NXN: variants seen among roughly 807,000 people sequenced by gnomAD.
The protein encoded by NXN is nucleoredoxin 1.
NXN carries 16 observed loss-of-function variants against 48.6 expected under a neutral mutation model. That is an observed-to-expected ratio of 0.33 (90% CI 0.22 to 0.50). NXN has a LOEUF of 0.50. Among genes scored for constraint, NXN ranks in the 20% least tolerant of loss-of-function variants. The pLI is 0.98. For synonymous variants in NXN, 281 were observed against 269.6 expected (o/e 1.04, Z -0.41); for missense variants, 492 against 605.5 (o/e 0.81, Z 1.97).
intron 1 of NXN, among the ~76,000 whole-genome samples, chr17:868,125 A>G (rs1597677374): frequency 6.6e-6 from 1 of 152,170 alleles, no homozygotes; most frequent in East Asian, 1.9e-4. Flanking sequence ...TTCCAGAGTC[A>G]TCTCCCTCCC....
intron 1 of NXN, among the ~76,000 whole-genome samples, chr17:871,399 CTTTTTTT>C (rs11345310): frequency 0.037 from 3,807 of 101,748 alleles, 139 homozygotes; most frequent in African/African-American, 0.13. Flanking sequence ...TACGCATTCA[CTTTTTTT>C]TTTTTTTTTT....
chr17:920,903 A>G lies in NXN; in HGVS notation c.360+58416T>C, dbSNP rs753825263. On this transcript the variant is annotated intron_variant, in intron 1 of 7. Coordinates refer to ENST00000336868, the MANE Select transcript of NXN (RefSeq NM_022463.5). This position sits in a 1 kb window ranked among gnomAD's most constrained non-coding sequence, Gnocchi z 4.6. The stretch of plus-strand genomic sequence containing the variant: ...ATGTCCGGCTAATTTTTGTAATTTT[A>G]GTAAAGACGGGGTTTTGCCATGTTA... 6.6e-6 allele frequency among the ~76,000 whole-genome samples: 1 copy of G among 151,864 alleles called. No individual in the cohort carries two copies. Among genetic ancestry groups the G allele is most frequent in the Non-Finnish European group, 1.5e-5 (1 of 67,978 alleles).
At chr17:966,053 T>G (rs1276014741) in intron 1 of NXN, among the ~76,000 whole-genome samples, 2 of 151,310 alleles carry the variant, frequency 1.3e-5, no homozygotes, top group Non-Finnish European at 3.0e-5. Context: ...GAGGCAGAGG[T>G]TGCAGTGAGC....
intron 6 of NXN, 67 bp from the exon 7 acceptor site, chr17:803,873 C>T (rs1911339209): frequency 1.3e-6 from 2 of 1,597,010 alleles, no homozygotes; most frequent in Non-Finnish European, 1.7e-6. Context: ...CAGAGCGGCA[C>T]CCGCCGAGGG....
chr17:854,848 A>T (rs2067968515), intron 1 of NXN, among the ~76,000 whole-genome samples: 1 of 151,492 alleles, frequency 6.6e-6, no homozygotes, highest in African/African-American at 2.4e-5. Context: ...AGTTCCAGCT[A>T]CTCGGGAGAC....
intron 1 of NXN, among the ~76,000 whole-genome samples, chr17:972,354 G>A (rs2069394965): frequency 6.7e-6 from 1 of 148,764 alleles, no homozygotes; most frequent in African/African-American, 2.5e-5. Context: ...GCTGGCGCCT[G>A]TAATCCCAGC....
intron 1 of NXN, among the ~76,000 whole-genome samples, chr17:926,275 C>G (rs1392503346): frequency 6.6e-6 from 1 of 152,176 alleles, no homozygotes; most frequent in Non-Finnish European, 1.5e-5. Flanking sequence ...CAGCCTCAAC[C>G]TCCCGGGCTC....
chr17:889,876 C>T (rs746709587), intron 1 of NXN, among the ~76,000 whole-genome samples: 20 of 152,136 alleles, frequency 1.3e-4, no homozygotes, highest in Non-Finnish European at 2.4e-4. Context: ...GTGGATATTT[C>T]GGAGCCTGGT....
intron 1 of NXN, among the ~76,000 whole-genome samples, chr17:838,481 C>T (rs1178676892): frequency 1.3e-5 from 2 of 152,150 alleles, no homozygotes; most frequent in Non-Finnish European, 2.9e-5. Flanking sequence ...CTGGGCTTTG[C>T]AACCCGACAG....
intron 1 of NXN, among the ~76,000 whole-genome samples, chr17:840,739 G>A (rs895251527): frequency 2.0e-5 from 3 of 152,302 alleles, no homozygotes; most frequent in South Asian, 4.1e-4. Flanking sequence ...CAGAGGATCC[G>A]ATCGGCTGTG....
At chr17:858,422 T>C (rs919711761) in intron 1 of NXN, among the ~76,000 whole-genome samples, 1 of 152,136 alleles carries the variant, frequency 6.6e-6, no homozygotes, top group Non-Finnish European at 1.5e-5. Flanking sequence ...ACTGGACGGC[T>C]GAGCTATAGA....
At chr17:879,635 G>A (rs2068262046) in intron 1 of NXN, among the ~76,000 whole-genome samples, 1 of 152,036 alleles carries the variant, frequency 6.6e-6, no homozygotes, top group South Asian at 2.1e-4. Context: ...GGCAAGCAGG[G>A]AAAGGACACG....
At chr17:836,664 T>A (rs911619470) in intron 1 of NXN, among the ~76,000 whole-genome samples, 1 of 152,186 alleles carries the variant, frequency 6.6e-6, no homozygotes, top group Non-Finnish European at 1.5e-5. Flanking sequence ...GTGAGGTATC[T>A]CACCGTCTCT....
intron 7 of NXN, among the ~76,000 whole-genome samples, chr17:801,443 CTTT>C (rs71371579): frequency 3.8e-5 from 4 of 104,298 alleles, no homozygotes; most frequent in East Asian, 3.4e-4. Flanking sequence ...ATGTCACATT[CTTT>C]TTTTTTTTTT....
intron 1 of NXN, among the ~76,000 whole-genome samples, chr17:963,761 G>C (rs2069267273): frequency 6.6e-6 from 1 of 152,102 alleles, no homozygotes; most frequent in African/African-American, 2.4e-5. Context: ...TCTTTGGAAA[G>C]AGGATTATTG....
chr17:971,359 G>GAC (rs1819099832), intron 1 of NXN, among the ~76,000 whole-genome samples: 1 of 152,128 alleles, frequency 6.6e-6, no homozygotes, highest in South Asian at 2.1e-4. Flanking sequence ...AAGCTGCTGG[G>GAC]ACTCACCCAG....
At chr17:953,850 T>C (rs1347570395) in intron 1 of NXN, among the ~76,000 whole-genome samples, 1 of 151,880 alleles carries the variant, frequency 6.6e-6, no homozygotes, top group Non-Finnish European at 1.5e-5. Flanking sequence ...GGTGGGAGGA[T>C]TGCTTGAGCC....
intron 5 of NXN, among the ~76,000 whole-genome samples, chr17:817,137 A>C (rs1262567486): frequency 6.6e-6 from 1 of 151,656 alleles, no homozygotes; most frequent in Admixed American, 6.6e-5. Context: ...GACTATTAAT[A>C]CTCCAAGTGT....
chr17:929,467 C>CA (rs1385192664), intron 1 of NXN, among the ~76,000 whole-genome samples: 5 of 152,226 alleles, frequency 3.3e-5, no homozygotes, highest in Non-Finnish European at 7.3e-5. Context: ...ACAATGACAA[C>CA]CTGTCTGTGA....
Sources: gnomAD v4.1 joint callset for allele counts (sites outside exome capture counted in the v4.1 genomes callset) on GRCh38, gnomAD v4.1.1 for gene constraint, Gnocchi (gnomAD v3.1) non-coding constraint, MANE v1.5 for transcripts, NCBI Gene and HGNC (gene_info 2026-07-23, HGNC 2026-07-21) for gene names.